The following LHFPL3 variants were observed in gnomAD, a reference collection of about 807,000 sequenced individuals.
LHFPL3 encodes LHFPL tetraspan subfamily member 3 protein.
Under a neutral mutation model 19.3 loss-of-function variants are expected in LHFPL3, and 5 were observed. The observed-to-expected ratio is 0.26, with a 90% CI of 0.14 to 0.54. The LOEUF (loss-of-function observed/expected upper bound fraction) is 0.54, where lower values mean the gene tolerates loss of function less well. LHFPL3 is among the 20% of genes least tolerant of loss of function. The pLI is 0.94. For synonymous variants in LHFPL3, 133 were observed against 126.2 expected, an observed-to-expected ratio of 1.05 and a Z score of -0.36; for missense variants, 249 against 307.4, an observed-to-expected ratio of 0.81 and a Z score of 1.42.
chr7:104,356,115 A>C (rs951058786), intron 1 of LHFPL3, among the ~76,000 whole-genome samples: 3 of 152,246 alleles, frequency 2.0e-5, no homozygotes, highest in Non-Finnish European at 2.9e-5. Flanking sequence ...AATAGAAGAA[A>C]ACATGCTGTA....
chr7:104,726,100 T>C (rs1477687937), intron 1 of LHFPL3, among the ~76,000 whole-genome samples: 1 of 148,740 alleles, frequency 6.7e-6, no homozygotes, highest in South Asian at 2.2e-4. Flanking sequence ...TTGTAATCTG[T>C]TGTCTAATCA....
chr7:104,455,131 A>G (rs936836197), intron 1 of LHFPL3, among the ~76,000 whole-genome samples: 58 of 152,178 alleles, frequency 3.8e-4, no homozygotes, highest in Non-Finnish European at 5.0e-4. Context: ...TCACTTCATC[A>G]CCAGTATCAA....
intron 2 of LHFPL3, among the ~76,000 whole-genome samples, chr7:104,818,817 T>C (rs1790618777): frequency 6.6e-6 from 1 of 151,808 alleles, no homozygotes; most frequent in African/African-American, 2.4e-5. Flanking sequence ...ACTCAAATGC[T>C]AAAATTAAAA....
At chr7:104,620,152 G>A (rs1791418489) in intron 1 of LHFPL3, among the ~76,000 whole-genome samples, 1 of 152,136 alleles carries the variant, frequency 6.6e-6, no homozygotes, top group Admixed American at 6.5e-5. Context: ...CATGTGATAA[G>A]GGTAAGAACA....
chr7:104,616,172 A>G (rs1227866973), intron 1 of LHFPL3, among the ~76,000 whole-genome samples: 1 of 152,240 alleles, frequency 6.6e-6, no homozygotes, highest in Non-Finnish European at 1.5e-5. Context: ...AAGAGCCCAT[A>G]TAGCCAAGAC....
At chr7:104,601,302 C>G (rs900378478) in intron 1 of LHFPL3, among the ~76,000 whole-genome samples, 10 of 152,182 alleles carry the variant, frequency 6.6e-5, no homozygotes, top group African/African-American at 2.4e-4. Flanking sequence ...TAAACCATAT[C>G]TCTTAACTCT....
chr7:104,685,345 A>C (rs1562965353), intron 1 of LHFPL3, among the ~76,000 whole-genome samples: 1 of 152,332 alleles, frequency 6.6e-6, no homozygotes, highest in East Asian at 1.9e-4. Flanking sequence ...GATTCTGCTC[A>C]AGAGAAAAAT....
At chr7:104,497,011 A>T (rs1171915948) in intron 1 of LHFPL3, among the ~76,000 whole-genome samples, 1 of 152,166 alleles carries the variant, frequency 6.6e-6, no homozygotes. Context: ...TGCTCATTCC[A>T]TCATTCCTGC....
rs1790483646 is a variant in LHFPL3, at chr7:104,812,242, C to CA, written c.682+75332dup. Among the ~76,000 whole-genome samples, 6 of 152,296 alleles carry CA rather than the reference C, an allele frequency of 3.9e-5. No individual in the cohort carries two copies. In the South Asian group the frequency reaches 1.2e-3, roughly 32 times the overall value. On this transcript the variant is annotated intron_variant, in intron 2 of 2. Transcript: ENST00000424859. ...GGCGTGACCATTGCTGAAAGAGAGC[C>CA]AGCAGCTGCTGAGAAAACGATGAGC...
intron 2 of LHFPL3, among the ~76,000 whole-genome samples, chr7:104,753,588 C>T (rs1794218581): frequency 6.6e-6 from 1 of 151,704 alleles, no homozygotes; most frequent in African/African-American, 2.4e-5. Flanking sequence ...CAAAATAGGA[C>T]TTCTGTTCAT....
intron 1 of LHFPL3, among the ~76,000 whole-genome samples, chr7:104,383,952 G>C (rs1019373069): frequency 6.6e-6 from 1 of 152,158 alleles, no homozygotes; most frequent in African/African-American, 2.4e-5. Flanking sequence ...GCTCTCAAGA[G>C]AATATCTTGT....
At chr7:104,889,998 C>CT (rs530915941) in intron 2 of LHFPL3, among the ~76,000 whole-genome samples, 77 of 152,222 alleles carry the variant, frequency 5.1e-4, no homozygotes, top group Admixed American at 4.3e-3. Context: ...TCATTCGCTT[C>CT]TTAGGATAAG....
At chr7:104,520,720 C>G (rs1039636887) in intron 1 of LHFPL3, among the ~76,000 whole-genome samples, 24 of 136,458 alleles carry the variant, frequency 1.8e-4, no homozygotes, top group African/African-American at 5.7e-4. Context: ...TCTAGATTTT[C>G]TAGTTTATTT....
At chr7:104,606,519 G>A (rs1791105897) in intron 1 of LHFPL3, among the ~76,000 whole-genome samples, 1 of 152,142 alleles carries the variant, frequency 6.6e-6, no homozygotes, top group South Asian at 2.1e-4. Flanking sequence ...GGTAAAAAGT[G>A]AAGATAATGA....
intron 1 of LHFPL3, among the ~76,000 whole-genome samples, chr7:104,467,861 T>C (rs1049124239): frequency 1.3e-5 from 2 of 152,220 alleles, no homozygotes; most frequent in African/African-American, 4.8e-5. Context: ...CTTCCTTCTC[T>C]TTCTCTTCTA....
intron 1 of LHFPL3, among the ~76,000 whole-genome samples, chr7:104,704,329 G>C (rs149123911): frequency 6.6e-6 from 1 of 151,984 alleles, no homozygotes; most frequent in Non-Finnish European, 1.5e-5. Context: ...TTTTAGTTCC[G>C]GGATATTATT....
chr7:104,384,835 G>A (rs1310303753), intron 1 of LHFPL3, among the ~76,000 whole-genome samples: 8 of 151,124 alleles, frequency 5.3e-5, no homozygotes, highest in African/African-American at 1.9e-4. Flanking sequence ...ATCAAAAGAG[G>A]GGCTGTCCAG....
At chr7:104,762,188 T>A (rs913585663) in intron 2 of LHFPL3, among the ~76,000 whole-genome samples, 2 of 151,868 alleles carry the variant, frequency 1.3e-5, no homozygotes, top group Non-Finnish European at 2.9e-5. Flanking sequence ...GACAAAGATA[T>A]TTGCTGGAGT....
chr7:104,425,093 A>C (rs1298944661), intron 1 of LHFPL3, among the ~76,000 whole-genome samples: 2 of 151,306 alleles, frequency 1.3e-5, no homozygotes, highest in Non-Finnish European at 2.9e-5. Context: ...GGACAAAGAC[A>C]TGAGGTAGGT....
Sources: gnomAD v4.1 joint callset for allele counts (sites outside exome capture counted in the v4.1 genomes callset) on GRCh38, gnomAD v4.1.1 for gene constraint, MANE v1.5 for transcripts, NCBI Gene and HGNC (gene_info 2026-07-23, HGNC 2026-07-21) for gene names.